The following DYM variants were observed in gnomAD, a reference collection of about 807,000 sequenced individuals.
The protein encoded by DYM is dyggve-Melchior-Clausen syndrome protein.
Under a neutral mutation model 93.1 loss-of-function variants are expected in DYM, and 78 were observed. The ratio of observed to expected loss-of-function variants is 0.84; its 90% confidence interval spans 0.70 to 1.01. The LOEUF is 1.01. Ranked by LOEUF, DYM falls within the 50% of genes least tolerant of loss-of-function variation. DYM has a pLI of 0.00. For missense variants in DYM, 789 were observed against 845.0 expected (o/e 0.93, Z 0.82); for synonymous variants, 321 against 319.7 (o/e 1.00, Z -0.04).
At chr18:49,237,126 C>T (rs2093890874) in intron 13 of DYM, among the ~76,000 whole-genome samples, 1 of 152,086 alleles carries the variant, frequency 6.6e-6, no homozygotes, top group African/African-American at 2.4e-5. Context: ...TACTAAAGGA[C>T]TGTACACACT....
chr18:49,076,372 T>C (rs139923461), intron 17 of DYM, among the ~76,000 whole-genome samples: 1,616 of 152,348 alleles, frequency 0.011, 27 homozygotes, highest in African/African-American at 0.037. Flanking sequence ...TGAAATATGT[T>C]TTAGTGAAAC....
At chr18:49,261,609 C>G (rs1453572829) in intron 11 of DYM, among the ~76,000 whole-genome samples, 1 of 152,116 alleles carries the variant, frequency 6.6e-6, no homozygotes, top group Non-Finnish European at 1.5e-5. Flanking sequence ...GTTGCAGTGA[C>G]TGCACTCCAG....
In DYM at chr18:49,259,447, A is replaced by T. The variant is rs2094456054; in HGVS notation, c.1252-954T>A. ...ACAAATTCGGGGAATCCTACTAAACAGATAACCCAGTTTCTTCAACAAATA... is the reference window on the plus strand; with the variant it reads ...ACAAATTCGGGGAATCCTACTAAACTGATAACCCAGTTTCTTCAACAAATA... On this transcript the variant is annotated intron_variant, in intron 11 of 17. Coordinates refer to ENST00000675505, the MANE Select transcript of DYM (RefSeq NM_001353214.3). Among the ~76,000 whole-genome samples the T allele has an allele frequency of 2.6e-5, 4 of 152,344 alleles. 1 individual carries two copies. The highest frequency in any genetic ancestry group is 6.5e-5 in the Admixed American group (1 of 15,308).
At chr18:49,104,154 A>G (rs1317555612) in intron 16 of DYM, among the ~76,000 whole-genome samples, 1 of 151,910 alleles carries the variant, frequency 6.6e-6, no homozygotes, top group Non-Finnish European at 1.5e-5. Context: ...ATTCCTAGGT[A>G]TTTTATTCTC....
rs192153208 is a variant in DYM, at chr18:49,343,060, A to G, written c.495-9207T>C. 2.6e-5 allele frequency among the ~76,000 whole-genome samples: 4 copies of G among 152,366 alleles called. No homozygotes were observed. The East Asian group carries it at 5.8e-4, about 22-fold the overall frequency. ...GATTTTGTGGGGAGAAGGTGGGCAA[A>G]GATGTCAAGAACCTAATTTCCAATT... On this transcript the variant is annotated intron_variant, in intron 6 of 17. Transcript: ENST00000675505.
At chr18:49,430,931 T>A (rs1466403301) in intron 1 of DYM, among the ~76,000 whole-genome samples, 1 of 150,804 alleles carries the variant, frequency 6.6e-6, no homozygotes, top group Non-Finnish European at 1.5e-5. Flanking sequence ...TCTTAGCCAA[T>A]ACAAACACAA....
intron 17 of DYM, among the ~76,000 whole-genome samples, chr18:49,092,399 T>C (rs1345393304): frequency 5.9e-5 from 9 of 152,216 alleles, no homozygotes; most frequent in Admixed American, 5.9e-4. Context: ...CCCTGACTAG[T>C]TCTTCCCAGC....
chr18:49,420,769 A>G (rs2148335305), intron 2 of DYM, among the ~76,000 whole-genome samples: 1 of 152,186 alleles, frequency 6.6e-6, no homozygotes, highest in South Asian at 2.1e-4. Context: ...TAGCCAAGGG[A>G]AGCCGTGACA....
At chr18:49,110,752 G>A (rs1053824113) in intron 16 of DYM, among the ~76,000 whole-genome samples, 12 of 152,052 alleles carry the variant, frequency 7.9e-5, no homozygotes, top group African/African-American at 2.9e-4. Flanking sequence ...AGTATTTTTG[G>A]AAAATTCTCA....
chr18:49,101,948 T>C (rs1172151117), intron 16 of DYM, among the ~76,000 whole-genome samples: 1 of 152,210 alleles, frequency 6.6e-6, no homozygotes, highest in African/African-American at 2.4e-5. Context: ...CATTTGAGTC[T>C]TGCCTCTGAT....
In DYM at chr18:49,258,415, T is replaced by A. The variant is rs2094429211; in HGVS notation, c.1330A>T (p.Ile444Leu). The stretch of plus-strand genomic sequence containing the variant: ...GTCATGTTGTATTGAATGGTTCTTA[T>A]TACCACCAGGATCAGGAGACTCCCC... ...SLGSLLILVVIRTIQYNMTRT... is the reference protein window; with the variant it reads ...SLGSLLILVVLRTIQYNMTRT... Residue 444 changes from isoleucine to leucine, a missense_variant, in exon 12 of 18, where the codon ATA becomes TTA. Around this residue, in one of 3 missense-constraint regions of DYM, gnomAD observed 225 missense variants for 303.0 expected, o/e 0.74. Coordinates refer to ENST00000675505, the MANE Select transcript of DYM (RefSeq NM_001353214.3). 6.2e-7 allele frequency: 1 copy of A among 1,613,180 alleles called. No homozygotes were observed. The highest frequency in any genetic ancestry group is 1.1e-5 in the South Asian group (1 of 91,068).
intron 2 of DYM, among the ~76,000 whole-genome samples, chr18:49,409,287 A>C (rs2071916207): frequency 6.6e-6 from 1 of 151,132 alleles, no homozygotes; most frequent in African/African-American, 2.4e-5. Flanking sequence ...CTGTCTCAAA[A>C]AAAAAAAAAA....
intron 14 of DYM, among the ~76,000 whole-genome samples, chr18:49,196,898 T>C (rs2091504808): frequency 6.6e-6 from 1 of 152,058 alleles, no homozygotes; most frequent in Non-Finnish European, 1.5e-5. Flanking sequence ...ATAAGGACTG[T>C]CTGAGCTAGG....
At chr18:49,259,197 C>A (rs2094451527) in intron 11 of DYM, among the ~76,000 whole-genome samples, 1 of 152,114 alleles carries the variant, frequency 6.6e-6, no homozygotes, top group Admixed American at 6.6e-5. Context: ...AGCAGACTCC[C>A]CACCACTCAC....
chr18:49,292,351 GACAGACAC>G (rs1174306380), intron 8 of DYM, among the ~76,000 whole-genome samples: 6,760 of 105,846 alleles, frequency 0.064, 160 homozygotes, highest in Middle Eastern at 0.12. Context: ...CAGACAGACA[GACAGACAC>G]ACACACACAC....
chr18:49,393,096 GGAAGGAAGGAAGGAAGGA>G (rs2069564931), intron 2 of DYM, among the ~76,000 whole-genome samples: 1 of 13,674 alleles, frequency 7.3e-5, no homozygotes, highest in Non-Finnish European at 1.4e-4. Flanking sequence ...AGGGAGGGAA[GGAAGGAAGGAAGGAAGGA>G]AGGAAGGAAG....
intron 14 of DYM, among the ~76,000 whole-genome samples, chr18:49,194,375 G>C (rs985225813): frequency 1.3e-5 from 2 of 150,372 alleles, no homozygotes; most frequent in Non-Finnish European, 3.0e-5. Context: ...TGAGACTAGA[G>C]TGCCTCCTTC....
intron 8 of DYM, among the ~76,000 whole-genome samples, chr18:49,295,315 T>C (rs2146044429): frequency 6.6e-6 from 1 of 152,318 alleles, no homozygotes; most frequent in East Asian, 1.9e-4. Flanking sequence ...AAATAAAATT[T>C]TAAAACTTTA....
intron 3 of DYM, among the ~76,000 whole-genome samples, chr18:49,388,913 C>CAAAAAAAAAAA (rs59658815): frequency 3.9e-5 from 5 of 129,036 alleles, no homozygotes; most frequent in Admixed American, 7.7e-5. Context: ...CATTTTCAGA[C>CAAAAAAAAAAA]AAAAAAAAAA....
Sources: gnomAD v4.1 joint callset for allele counts (sites outside exome capture counted in the v4.1 genomes callset) on GRCh38, gnomAD v4.1.1 for gene constraint, gnomAD v4.1.1 regional missense constraint, MANE v1.5 for transcripts, NCBI Gene and HGNC (gene_info 2026-07-23, HGNC 2026-07-21) for gene names.